ITGB6: variants seen among roughly 807,000 people sequenced by gnomAD.
ITGB6 encodes integrin beta-6.
In ITGB6, 80 loss-of-function variants were observed where a neutral mutation model predicts 84.5. That is an observed-to-expected ratio of 0.95 (90% CI 0.79 to 1.14). ITGB6 has a LOEUF of 1.14. Ranked by LOEUF, ITGB6 falls within the 50% of genes most tolerant of loss-of-function variation. The pLI, the probability that ITGB6 is intolerant of heterozygous loss-of-function variation, is 0.00. For synonymous variants in ITGB6, 383 were observed against 354.9 expected, an observed-to-expected ratio of 1.08 and a Z score of -0.89; for missense variants, 1,006 against 968.0, an observed-to-expected ratio of 1.04 and a Z score of -0.52.
At chr2:160,126,027 T>C (rs13383425) in intron 11 of ITGB6, among the ~76,000 whole-genome samples, 3,344 of 152,276 alleles carry the variant, frequency 0.022, 82 homozygotes, top group African/African-American at 0.048. Context: ...ACTGACTGCA[T>C]GTGGGTGTCA....
rs541349791 is a variant in ITGB6 at position 160,166,043 on chromosome 2, G to A, written c.1017+3169C>T. 3.9e-5 allele frequency among the ~76,000 whole-genome samples: 6 copies of A among 152,268 alleles called. No homozygotes were observed. The South Asian group carries it at 8.3e-4, about 21-fold the overall frequency. On this transcript the variant is annotated intron_variant, in intron 7 of 14. Coordinates refer to ENST00000283249, the MANE Select transcript of ITGB6 (RefSeq NM_000888.5). ...ATCTACTGAGAATCTACTGTGTTTC[G>A]AGAATTGGCCTAAACAGATGAGAAA... is the stretch of plus-strand genomic sequence containing the variant.
rs4076843 is a variant in ITGB6 at position 160,100,994 on chromosome 2, G to C, written c.*742C>G. 26,551 of 152,024 alleles carry C rather than the reference G, an allele frequency of 0.17. 2,646 individuals are homozygous for C. Among genetic ancestry groups the C allele is most frequent in the Admixed American group, 0.31 (4,701 of 15,262 alleles). The allele number at this position is 152,024 out of a possible 1,614,324, so 9.4% of individuals were successfully genotyped here. On this transcript the variant is annotated 3_prime_UTR_variant, in exon 15 of 15. Transcript: ENST00000283249. ...AGAAGTAACAGTTTGAAAACTCAGA[G>C]TCAAAAAGGAAACAGTGTAGAATAT...
At chr2:160,117,679 G>A (rs978932484) in intron 12 of ITGB6, among the ~76,000 whole-genome samples, 2 of 152,062 alleles carry the variant, frequency 1.3e-5, no homozygotes, top group Non-Finnish European at 2.9e-5. Flanking sequence ...CAGAACTGAA[G>A]GAAATAGAGA....
Position 160,179,820 on chromosome 2 carries a change from G to A in ITGB6, c.594-5681C>T, listed in dbSNP as rs181681843. 9.2e-5 allele frequency among the ~76,000 whole-genome samples: 14 copies of A among 151,530 alleles called. 1 individual carries two copies. The highest frequency in any genetic ancestry group is 2.7e-4 in the African/African-American group (11 of 41,304). On this transcript the variant is annotated intron_variant, in intron 4 of 14. Transcript: ENST00000283249. ...ATGATGTTTCAAAAATCTTTCGGCCGGGCAGGGTGGTTCACGCCTGTAATC... is the reference window on the plus strand; with the variant it reads ...ATGATGTTTCAAAAATCTTTCGGCCAGGCAGGGTGGTTCACGCCTGTAATC...
intron 6 of ITGB6, among the ~76,000 whole-genome samples, chr2:160,170,718 CG>C (rs957110577): frequency 2.6e-5 from 4 of 152,138 alleles, no homozygotes; most frequent in African/African-American, 9.7e-5. Context: ...TCAGAGGACC[CG>C]GGGGCTATGT....
At chr2:160,189,404 G>T (rs1686044250) in intron 4 of ITGB6, among the ~76,000 whole-genome samples, 1 of 152,030 alleles carries the variant, frequency 6.6e-6, no homozygotes, top group Admixed American at 6.6e-5. Flanking sequence ...ACCACCATCG[G>T]AATGAACAGG....
At chr2:160,177,013 T>C (rs1049656477) in intron 4 of ITGB6, among the ~76,000 whole-genome samples, 5 of 152,208 alleles carry the variant, frequency 3.3e-5, no homozygotes, top group African/African-American at 1.2e-4. Flanking sequence ...GGGTTATCTT[T>C]TGACTCATAT....
intron 4 of ITGB6, among the ~76,000 whole-genome samples, chr2:160,181,678 C>T (rs143612446): frequency 0.022 from 3,384 of 152,294 alleles, 126 homozygotes; most frequent in African/African-American, 0.077. Context: ...CCCTGACCCT[C>T]GTGCCTCCTG....
chr2:160,117,277 C>T (rs1015071145), intron 12 of ITGB6, among the ~76,000 whole-genome samples: 16 of 152,228 alleles, frequency 1.1e-4, no homozygotes, highest in African/African-American at 3.9e-4. Context: ...AAGCACTCCT[C>T]AGCAAATGTA....
intron 4 of ITGB6, among the ~76,000 whole-genome samples, chr2:160,178,125 T>C (rs1203324754): frequency 6.6e-6 from 1 of 152,218 alleles, no homozygotes; most frequent in Non-Finnish European, 1.5e-5. Context: ...TGCACCCACC[T>C]TGGCATCCCA....
intron 6 of ITGB6, among the ~76,000 whole-genome samples, chr2:160,170,500 C>T (rs1685160051): frequency 6.6e-6 from 1 of 152,204 alleles, no homozygotes; most frequent in South Asian, 2.1e-4. Flanking sequence ...CTTATCTCCA[C>T]GTGTTCCCAC....
intron 7 of ITGB6, among the ~76,000 whole-genome samples, chr2:160,144,834 G>A (rs1232213646): frequency 6.6e-6 from 1 of 152,162 alleles, no homozygotes; most frequent in Non-Finnish European, 1.5e-5. Flanking sequence ...ACCATTAATC[G>A]CTGACTTCCA....
rs189079356 is a variant in ITGB6, at chr2:160,130,511, T to C, written c.1661-3910A>G. On this transcript the variant is annotated intron_variant, in intron 10 of 14. Transcript: ENST00000283249. ...AATTTATATGAGTTTCACACCATCT[T>C]AAAGTGTGTGTTTGTGTGCATTATT... Among the ~76,000 whole-genome samples the C allele has an allele frequency of 1.3e-3, 205 of 152,266 alleles. 1 individual carries two copies. The highest frequency in any genetic ancestry group is 2.3e-3 in the Non-Finnish European group (155 of 68,010).
At chr2:160,121,554 G>A (rs1683040136) in intron 12 of ITGB6, among the ~76,000 whole-genome samples, 1 of 152,156 alleles carries the variant, frequency 6.6e-6, no homozygotes, top group Non-Finnish European at 1.5e-5. Context: ...GGAGGCTGAG[G>A]CGGGCAGATG....
Position 160,172,581 on chromosome 2 carries a change from C to T in ITGB6, c.909G>A (p.Met303Ile). The change falls in exon 6 of 15, where the codon ATG (methionine) becomes ATA (isoleucine). Residue 303 changes from methionine (M) to isoleucine (I), a missense_variant. By Grantham distance (10) the Met-to-Ile change is conservative. Transcript: ENST00000283249. The part of the protein sequence containing the change: ...CHLDSKNEYS[M>I]STVLEYPTIG... ...GCAGGTTACACACCAAGACAGTTGA[C>T]ATGGAGTATTCATTCTTGCTGTCCA... is the stretch of plus-strand genomic sequence containing the variant. 6.2e-7 allele frequency: 1 copy of T among 1,602,750 alleles called. No individual in the cohort carries two copies. The highest frequency in any genetic ancestry group is 1.1e-5 in the South Asian group (1 of 90,572).
chr2:160,199,031 TA>T (rs1686449868), intron 2 of ITGB6, 147 bp downstream of exon 2: 1 of 565,428 alleles, frequency 1.8e-6, no homozygotes, highest in Non-Finnish European at 3.2e-6. Flanking sequence ...CATTTTGATC[TA>T]CCAATGCTCA....
At chr2:160,168,090 C>A (rs912651802) in intron 7 of ITGB6, among the ~76,000 whole-genome samples, 7 of 152,234 alleles carry the variant, frequency 4.6e-5, no homozygotes, top group African/African-American at 9.6e-5. Flanking sequence ...CCCACATGGG[C>A]TCTGCGTAGA....
chr2:160,134,598 A>C (rs111929180), intron 10 of ITGB6, among the ~76,000 whole-genome samples: 100,295 of 151,988 alleles, frequency 0.66, 33,491 homozygotes, highest in Admixed American at 0.74. Context: ...CAGAGACACA[A>C]CTAAAAAAGA....
At position 160,142,542 on chromosome 2, in the gene ITGB6, C is replaced by G. The variant is rs548701408; in HGVS notation, c.1018-471G>C. 5.3e-5 allele frequency among the ~76,000 whole-genome samples: 8 copies of G among 152,310 alleles called. No homozygotes were observed. In the South Asian group the frequency reaches 8.3e-4, roughly 16 times the overall value. ...GTTTAGAGGCCTTAAGGAGTAACCG[C>G]TTGGTGGAGAAAGAGAGTGAATTAT... On this transcript the variant is annotated intron_variant, in intron 7 of 14. Transcript: ENST00000283249.
Sources: gnomAD v4.1 joint callset for allele counts (sites outside exome capture counted in the v4.1 genomes callset) on GRCh38, gnomAD v4.1.1 for gene constraint, MANE v1.5 for transcripts, NCBI Gene and HGNC (gene_info 2026-07-23, HGNC 2026-07-21) for gene names.